CLIP2: variants seen among roughly 807,000 people sequenced by gnomAD.
CLIP2 encodes CAP-Gly domain-containing linker protein 2.
CLIP2 carries 41 observed loss-of-function variants against 111.7 expected under a neutral mutation model. The ratio of observed to expected loss-of-function variants is 0.37; its 90% CI spans 0.29 to 0.48. The LOEUF (loss-of-function observed/expected upper bound fraction) is 0.48, where lower values mean the gene tolerates loss of function less well. Among genes scored for constraint, CLIP2 ranks in the 20% least tolerant of loss-of-function variants. The pLI, the probability that CLIP2 is intolerant of heterozygous loss-of-function variation, is 0.99. For missense variants in CLIP2, 1,160 were observed against 1,422.1 expected (o/e 0.82, Z 2.96); for synonymous variants, 660 against 644.2 (o/e 1.02, Z -0.37).
chr7:74,349,763 A>G (rs1789927052), intron 3 of CLIP2, among the ~76,000 whole-genome samples: 1 of 151,122 alleles, frequency 6.6e-6, no homozygotes, highest in Non-Finnish European at 1.5e-5. Flanking sequence ...ACAGGCGTGC[A>G]CCACCACGCC....
At chr7:74,347,038 C>G (rs1789816210) in intron 3 of CLIP2, among the ~76,000 whole-genome samples, 1 of 151,976 alleles carries the variant, frequency 6.6e-6, no homozygotes, top group Non-Finnish European at 1.5e-5. Flanking sequence ...GACCCTACCT[C>G]TAAAAACAAA....
At chr7:74,359,439 C>T (rs548421649) in intron 6 of CLIP2, among the ~76,000 whole-genome samples, 4 of 150,962 alleles carry the variant, frequency 2.6e-5, no homozygotes, top group African/African-American at 7.3e-5. Context: ...CTGCAAGCTC[C>T]GCCCCCCAGG....
intron 12 of CLIP2, among the ~76,000 whole-genome samples, chr7:74,387,880 A>G (rs1233359233): frequency 6.6e-6 from 1 of 152,160 alleles, no homozygotes; most frequent in Non-Finnish European, 1.5e-5. Context: ...ACTGAGACCA[A>G]TGGTGCTTTT....
At chr7:74,387,233 T>TTC (rs1372429843) in intron 12 of CLIP2, among the ~76,000 whole-genome samples, 14 of 150,970 alleles carry the variant, frequency 9.3e-5, no homozygotes, top group East Asian at 7.8e-4. Flanking sequence ...ACTTTCTGGT[T>TTC]TCTCTCTCTC....
At chr7:74,305,772 A>G (rs1788461946) in intron 1 of CLIP2, among the ~76,000 whole-genome samples, 1 of 151,642 alleles carries the variant, frequency 6.6e-6, no homozygotes, top group South Asian at 2.1e-4. Context: ...GGGATTACAG[A>G]CATGAGTCAC....
intron 1 of CLIP2, among the ~76,000 whole-genome samples, chr7:74,294,065 C>A (rs181764260): frequency 6.6e-6 from 1 of 152,108 alleles, no homozygotes; most frequent in Non-Finnish European, 1.5e-5. Flanking sequence ...TACAGGCACG[C>A]GCCACCACGC....
intron 1 of CLIP2, among the ~76,000 whole-genome samples, chr7:74,313,931 C>G (rs1363980527): frequency 6.6e-6 from 1 of 152,116 alleles, no homozygotes; most frequent in African/African-American, 2.4e-5. Context: ...GCCTGTAATC[C>G]CAGCACTTTG....
chr7:74,325,080 C>G, intron 2 of CLIP2, among the ~76,000 whole-genome samples: 1 of 152,252 alleles, frequency 6.6e-6, no homozygotes, highest in East Asian at 1.9e-4. Context: ...GCTCTGGGAA[C>G]GGGGTTGTGG....
chr7:74,313,855 G>A (rs1176036439), intron 1 of CLIP2, among the ~76,000 whole-genome samples: 2 of 152,110 alleles, frequency 1.3e-5, no homozygotes, highest in African/African-American at 2.4e-5. Context: ...AGTGGGAATC[G>A]GGTCAACCCA....
intron 1 of CLIP2, among the ~76,000 whole-genome samples, chr7:74,306,927 C>G (rs1788506007): frequency 6.6e-6 from 1 of 152,228 alleles, no homozygotes; most frequent in Non-Finnish European, 1.5e-5. Context: ...CCCCAGGCTT[C>G]CCCGCCTCCC....
chr7:74,363,481 C>A (rs1211917931), intron 7 of CLIP2, among the ~76,000 whole-genome samples: 1 of 152,176 alleles, frequency 6.6e-6, no homozygotes, highest in African/African-American at 2.4e-5. Flanking sequence ...AGTTTTGAGG[C>A]CTGTGATGAG....
intron 1 of CLIP2, among the ~76,000 whole-genome samples, chr7:74,307,079 C>T (rs80217997): frequency 0.012 from 1,785 of 152,344 alleles, 36 homozygotes; most frequent in African/African-American, 0.04. Context: ...GTTCACTATT[C>T]TCCCCTCTCC....
At chr7:74,363,202 A>G (rs1422341698) in intron 7 of CLIP2, among the ~76,000 whole-genome samples, 1 of 152,132 alleles carries the variant, frequency 6.6e-6, no homozygotes. Flanking sequence ...CAGTTTCTCC[A>G]TGTTGGTCAG....
chr7:74,370,455 CAA>C (rs555830727), intron 8 of CLIP2, among the ~76,000 whole-genome samples: 5 of 82,156 alleles, frequency 6.1e-5, no homozygotes, highest in African/African-American at 8.7e-5. Flanking sequence ...GACTCCGTCT[CAA>C]AAAAAAAAAA....
At position 74,375,965 on chromosome 7, in the gene CLIP2, C is replaced by CT; in HGVS notation, c.1565dup (p.Gln523ProfsTer44). 6.2e-7 allele frequency: 1 copy of CT among 1,609,034 alleles called. No individual in the cohort carries two copies. Among genetic ancestry groups the CT allele is most frequent in the Non-Finnish European group, 8.5e-7 (1 of 1,178,452 alleles). On this transcript the variant is annotated frameshift_variant, in exon 10 of 17. Coordinates refer to ENST00000223398, the MANE Select transcript of CLIP2 (RefSeq NM_003388.5). LOFTEE classifies it high-confidence loss of function. ...CCTGCGCCGAGGTGAAATCGAGGAG[C>CT]TCCAGCAGTGCCTGTTGCACTCGGG...
rs113737431 is a variant in CLIP2, at chr7:74,360,418, A to G, written c.1319+140A>G. 170 of 606,746 alleles carry G rather than the reference A, an allele frequency of 2.8e-4. 1 individual carries two copies. Among genetic ancestry groups the G allele is most frequent in the African/African-American group, 2.5e-3 (135 of 53,824 alleles). The allele number at this position is 606,746 out of a possible 1,614,324, so 37.6% of individuals were successfully genotyped here. ...GGCTGTGTCACCCTGGACTGGTGAC[A>G]TTAACTCTTGGGCCTCAGTCTTCCT... On this transcript the variant is annotated intron_variant, in intron 7 of 16. Coordinates refer to ENST00000223398, the MANE Select transcript of CLIP2 (RefSeq NM_003388.5).
At chr7:74,310,036 C>CAAAAAAAAAAAAAAAAAAAAAAAAAAAAA (rs71094774) in intron 1 of CLIP2, among the ~76,000 whole-genome samples, 1 of 92,512 alleles carries the variant, frequency 1.1e-5, no homozygotes, top group Non-Finnish European at 1.9e-5. Context: ...CCTGTCTCTA[C>CAAAAAAAAAAAAAAAAAAAAAAAAAAAAA]AAAAAAAAAA....
intron 16 of CLIP2, among the ~76,000 whole-genome samples, chr7:74,402,750 G>C (rs1035656886): frequency 2.6e-5 from 4 of 152,140 alleles, no homozygotes; most frequent in African/African-American, 9.7e-5. Flanking sequence ...CTGGAGCACA[G>C]ATGCTCGCTA....
chr7:74,293,915 T>C (rs1307805279), intron 1 of CLIP2, among the ~76,000 whole-genome samples: 3 of 151,672 alleles, frequency 2.0e-5, no homozygotes, highest in African/African-American at 4.8e-5. Flanking sequence ...ACTCGGGCTT[T>C]TTTTTTGTTT....
Sources: allele counts gnomAD v4.1 joint callset (sites outside exome capture counted in the v4.1 genomes callset), GRCh38; gene constraint gnomAD v4.1.1; transcripts MANE v1.5; gene names NCBI Gene and HGNC (gene_info 2026-07-23, HGNC 2026-07-21).